Variants in PCDH11X observed in about 807,000 individuals in gnomAD.
PCDH11X encodes protocadherin 11 X-linked.
A neutral mutation model predicts 53.3 loss-of-function variants in PCDH11X; 18 were observed. That is an observed-to-expected ratio of 0.34 (90% confidence interval 0.23 to 0.50). The LOEUF (loss-of-function observed/expected upper bound fraction) is 0.50, where lower values mean the gene tolerates loss of function less well. PCDH11X is among the 20% of genes least tolerant of loss of function. PCDH11X has a pLI of 0.98. For synonymous variants in PCDH11X, 279 were observed against 393.3 expected, an observed-to-expected ratio of 0.71 and a Z score of 3.44; for missense variants, 570 against 1,032.4, an observed-to-expected ratio of 0.55 and a Z score of 6.14.
chrX:92,492,460 C>T (rs1026843939), intron 10 of PCDH11X, among the ~76,000 whole-genome samples: 4 of 112,259 alleles, frequency 3.6e-5, no homozygotes, highest in Non-Finnish European at 5.6e-5. Flanking sequence ...AAATAAATTT[C>T]TATGCACATT....
chrX:92,265,970 G>T (rs1345671575), intron 8 of PCDH11X, among the ~76,000 whole-genome samples: 3 of 111,789 alleles, frequency 2.7e-5, no homozygotes, highest in Non-Finnish European at 5.6e-5. Flanking sequence ...TAATGCTACA[G>T]ACCCATCATT....
chrX:92,170,498 T>G (rs1009256056), intron 6 of PCDH11X, among the ~76,000 whole-genome samples: 1 of 110,398 alleles, frequency 9.1e-6, no homozygotes, highest in African/African-American at 3.3e-5. Flanking sequence ...TTGTTCCAGG[T>G]ATGGAGAAAA....
chrX:92,262,934 T>G, intron 7 of PCDH11X, 180 bp from the exon 8 acceptor site: 2 of 527,092 alleles, frequency 3.8e-6, no homozygotes, highest in Non-Finnish European at 4.6e-6. Flanking sequence ...CACTGAAGAA[T>G]GTAGGAGATG....
intron 10 of PCDH11X, among the ~76,000 whole-genome samples, chrX:92,597,312 T>TAA (rs142715497): frequency 5.5e-5 from 6 of 108,228 alleles, no homozygotes; most frequent in African/African-American, 1.7e-4. Context: ...TTAGAACTGA[T>TAA]AAAAAAAATT....
chrX:91,798,296 A>C (rs1459883483), intron 1 of PCDH11X: 1 of 111,313 alleles, frequency 9.0e-6, no homozygotes, highest in Non-Finnish European at 1.9e-5. Flanking sequence ...GGGTTAAAAC[A>C]CAGTGTTACA....
intron 8 of PCDH11X, among the ~76,000 whole-genome samples, chrX:92,333,694 T>G (rs1236160914): frequency 9.0e-6 from 1 of 111,196 alleles, no homozygotes; most frequent in Non-Finnish European, 1.9e-5. Flanking sequence ...TAATTTGGTT[T>G]ATATACTTTG....
intron 6 of PCDH11X, among the ~76,000 whole-genome samples, chrX:92,147,094 T>C (rs1234473256): frequency 9.2e-6 from 1 of 108,848 alleles, no homozygotes; most frequent in East Asian, 2.8e-4. Context: ...GGGAATGAAA[T>C]AAATAGCTCA....
intron 7 of PCDH11X, among the ~76,000 whole-genome samples, chrX:92,213,381 T>C (rs1003480230): frequency 7.2e-5 from 8 of 111,846 alleles, no homozygotes; most frequent in Middle Eastern, 9.3e-3. Flanking sequence ...TATTGATGTA[T>C]AGCCATTAAT....
rs61522182 is a variant in PCDH11X, at chrX:92,606,232, C to CAAAAAAAAAAAAAA, written c.3368-12020_3368-12007dup. 2.1e-4 allele frequency among the ~76,000 whole-genome samples: 7 copies of CAAAAAAAAAAAAAA among 32,835 alleles called. 2 individuals carry two copies. The highest frequency in any genetic ancestry group is 7.6e-4 in the African/African-American group (5 of 6,583). 28.5% of individuals were successfully genotyped at this position (32,835 alleles called of 115,157 possible). A position where few individuals can be genotyped will look rare whatever the true frequency, so the allele number is the denominator to read the frequency against. ...GGGCAACAAGAGGGAAATTCCGTCT[C>CAAAAAAAAAAAAAA]AAAAAAAAAAAAAAAAAAAAAAAAA... On this transcript the variant is annotated intron_variant, in intron 10 of 10. Transcript: ENST00000682573.
intron 6 of PCDH11X, among the ~76,000 whole-genome samples, chrX:92,190,911 T>C (rs1305390301): frequency 9.0e-6 from 1 of 111,679 alleles, no homozygotes; most frequent in Non-Finnish European, 1.9e-5. Flanking sequence ...AAAGAGGACC[T>C]GATCGTTGTT....
At chrX:91,965,514 AGAGTGGAGTGTCTTCTAGACACACTTGT>A (rs2061850683) in intron 6 of PCDH11X, among the ~76,000 whole-genome samples, 1 of 108,260 alleles carries the variant, frequency 9.2e-6, no homozygotes, top group South Asian at 4.2e-4. Context: ...GACATTAGGT[AGAGTGGAGTGTCTTCTAGACACACTTGT>A]GAGTTAAACT....
chrX:92,303,623 A>G (rs762848141), intron 8 of PCDH11X, among the ~76,000 whole-genome samples: 4 of 112,066 alleles, frequency 3.6e-5, no homozygotes, highest in African/African-American at 1.3e-4. Flanking sequence ...ATATATTTGC[A>G]TCTGTTTGCC....
At chrX:91,962,081 C>T (rs1031485971) in intron 6 of PCDH11X, among the ~76,000 whole-genome samples, 3 of 104,221 alleles carry the variant, frequency 2.9e-5, no homozygotes, top group Non-Finnish European at 3.9e-5. Context: ...CCATGTCATT[C>T]CACCCCGGCC....
intron 10 of PCDH11X, among the ~76,000 whole-genome samples, chrX:92,570,731 G>T (rs1405741533): frequency 9.9e-6 from 1 of 100,903 alleles, no homozygotes; most frequent in Non-Finnish European, 2.0e-5. Flanking sequence ...AGCTCAGTTG[G>T]TGAGAAGATT....
intron 9 of PCDH11X, among the ~76,000 whole-genome samples, chrX:92,395,351 T>C (rs1302326318): frequency 9.0e-6 from 1 of 111,559 alleles, no homozygotes; most frequent in Non-Finnish European, 1.9e-5. Flanking sequence ...TGAATACGAA[T>C]TTTTATTGCG....
At chrX:92,313,449 A>G (rs1358035474) in intron 8 of PCDH11X, among the ~76,000 whole-genome samples, 1 of 111,270 alleles carries the variant, frequency 9.0e-6, no homozygotes, top group African/African-American at 3.3e-5. Context: ...AAAAGATACA[A>G]TTTGTTTCTT....
At chrX:92,207,165 A>G (rs760436273) in intron 7 of PCDH11X, among the ~76,000 whole-genome samples, 2 of 111,819 alleles carry the variant, frequency 1.8e-5, no homozygotes, top group Non-Finnish European at 3.8e-5. Flanking sequence ...CTAGGGGCCA[A>G]TGGGACCAAA....
intron 1 of PCDH11X, 79 bp downstream of exon 1, chrX:91,779,763 C>T (rs1339397765): frequency 1.9e-5 from 2 of 103,520 alleles, no homozygotes; most frequent in African/African-American, 3.5e-5. Flanking sequence ...GGACACTGCC[C>T]GCTGCCTGCC....
intron 7 of PCDH11X, among the ~76,000 whole-genome samples, chrX:92,254,954 G>A (rs1224214769): frequency 7.4e-5 from 7 of 94,773 alleles, no homozygotes; most frequent in South Asian, 6.0e-4. Context: ...TCTTTGTGGC[G>A]TTCTCTGTAT....
Sources: allele counts gnomAD v4.1 joint callset (sites outside exome capture counted in the v4.1 genomes callset), GRCh38; gene constraint gnomAD v4.1.1; transcripts MANE v1.5; gene names NCBI Gene and HGNC (gene_info 2026-07-23, HGNC 2026-07-21).